GPATCH8: variants seen among roughly 807,000 people sequenced by gnomAD.
The protein encoded by GPATCH8 is G patch domain-containing protein 8.
In GPATCH8, 18 loss-of-function variants were observed where a neutral mutation model predicts 118.3. That is an observed-to-expected ratio of 0.15 (90% CI 0.11 to 0.23). GPATCH8 has a LOEUF of 0.23. Among genes scored for constraint, GPATCH8 ranks in the 10% least tolerant of loss-of-function variants. GPATCH8 has a pLI of 1.00. For missense variants in GPATCH8, 1,631 were observed against 1,873.8 expected (o/e 0.87, Z 2.39); for synonymous variants, 659 against 684.7 (o/e 0.96, Z 0.59).
At chr17:44,465,842 A>C (rs951429451) in intron 2 of GPATCH8, 3 of 152,218 alleles carry the variant, frequency 2.0e-5, no homozygotes, top group Non-Finnish European at 4.4e-5. Flanking sequence ...TCATAGAGGA[A>C]AGAAAAACAT....
chr17:44,483,433 T>C (rs930477993), intron 1 of GPATCH8, among the ~76,000 whole-genome samples: 2 of 149,372 alleles, frequency 1.3e-5, no homozygotes, highest in Non-Finnish European at 3.0e-5. Context: ...GTATTTTTAG[T>C]AGAGATGGGG....
chr17:44,421,593 T>G (rs992997168), intron 6 of GPATCH8, among the ~76,000 whole-genome samples: 3 of 151,484 alleles, frequency 2.0e-5, no homozygotes, highest in Non-Finnish European at 4.4e-5. Flanking sequence ...CTGGAACTCC[T>G]GACCTCAGGT....
intron 1 of GPATCH8, among the ~76,000 whole-genome samples, chr17:44,482,686 T>G (rs894470689): frequency 4.6e-5 from 7 of 151,370 alleles, no homozygotes; most frequent in Admixed American, 1.3e-4. Flanking sequence ...TGCACATGTA[T>G]CCCAGAACTT....
At chr17:44,490,544 C>A (rs1312223447) in intron 1 of GPATCH8, among the ~76,000 whole-genome samples, 1 of 151,784 alleles carries the variant, frequency 6.6e-6, no homozygotes, top group East Asian at 1.9e-4. Flanking sequence ...TCTAAATCAA[C>A]ACTTCCTTTC....
intron 1 of GPATCH8, chr17:44,486,433 G>A (rs939353668): frequency 1.3e-5 from 2 of 152,110 alleles, no homozygotes; most frequent in African/African-American, 4.8e-5. Context: ...TTTGTAAAAT[G>A]CTTTTCTTGA....
rs561642975 is a variant in GPATCH8 at position 44,457,678 on chromosome 17, A to C, written c.193+6794T>G. Among the ~76,000 whole-genome samples, 6 of 152,296 alleles carry C rather than the reference A, an allele frequency of 3.9e-5. No individual in the cohort carries two copies. The South Asian group carries it at 8.3e-4, about 21-fold the overall frequency. On this transcript the variant is annotated intron_variant, in intron 3 of 7. Transcript: ENST00000591680. ...GCCAGGCATGGTGGATCACACCTAT[A>C]ATCCCAGCACTGTGGGAGTCCAAGG... is the stretch of plus-strand genomic sequence containing the variant.
At chr17:44,498,756 A>G (rs1969847834) in intron 1 of GPATCH8, among the ~76,000 whole-genome samples, 2 of 152,232 alleles carry the variant, frequency 1.3e-5, no homozygotes, top group Non-Finnish European at 2.9e-5. Flanking sequence ...CATTTCTTCC[A>G]GATTACGGGA....
In GPATCH8 at chr17:44,395,700, T is replaced by A. The variant is rs960951132; in HGVS notation, c.*1868A>T. The A allele has an allele frequency of 2.2e-6, 1 of 454,028 alleles. No individual in the cohort carries two copies. Among genetic ancestry groups the A allele is most frequent in the African/African-American group, 2.0e-5 (1 of 50,008 alleles). The allele number at this position is 454,028 out of a possible 1,614,324, so 28.1% of individuals were successfully genotyped here. On this transcript the variant is annotated 3_prime_UTR_variant, in exon 8 of 8. Transcript: ENST00000591680. ...GTTGTGTTTGCCTGCCACTTTCTTTTCATAAACTTTACTCTTTTGAGAATT... is the reference window on the plus strand; with the variant it reads ...GTTGTGTTTGCCTGCCACTTTCTTTACATAAACTTTACTCTTTTGAGAATT...
At chr17:44,447,113 G>T (rs2050914009) in intron 3 of GPATCH8, among the ~76,000 whole-genome samples, 1 of 151,272 alleles carries the variant, frequency 6.6e-6, no homozygotes, top group African/African-American at 2.4e-5. Context: ...TGGGATTACA[G>T]GTGTGATCCA....
At chr17:44,415,828 G>C (rs1567957843) in intron 6 of GPATCH8, among the ~76,000 whole-genome samples, 1 of 152,200 alleles carries the variant, frequency 6.6e-6, no homozygotes, top group Admixed American at 6.5e-5. Flanking sequence ...ACAAAAGTAA[G>C]GCAGAATCAT....
intron 2 of GPATCH8, among the ~76,000 whole-genome samples, chr17:44,466,543 C>T (rs946690168): frequency 2.0e-5 from 3 of 152,102 alleles, no homozygotes; most frequent in Admixed American, 1.3e-4. Flanking sequence ...TTCTTCCCTT[C>T]CCCCCTCCTA....
intron 2 of GPATCH8, among the ~76,000 whole-genome samples, chr17:44,467,697 G>A (rs1468370365): frequency 1.3e-5 from 2 of 152,098 alleles, no homozygotes; most frequent in African/African-American, 2.4e-5. Flanking sequence ...AGGAAAAAAG[G>A]CAGCTCTGTG....
At chr17:44,503,214 G>A (rs1356599934) in intron 1 of GPATCH8, 112 bp downstream of exon 1, 3 of 951,398 alleles carry the variant, frequency 3.2e-6, no homozygotes, top group African/African-American at 3.2e-5. Flanking sequence ...AGAGCGAGCT[G>A]GTTCGCAAGT....
intron 1 of GPATCH8, among the ~76,000 whole-genome samples, chr17:44,500,583 T>C (rs187514434): frequency 6.6e-6 from 1 of 152,318 alleles, no homozygotes; most frequent in Admixed American, 6.5e-5. Flanking sequence ...TCAAGAGACA[T>C]CAAACTCTCC....
intron 1 of GPATCH8, among the ~76,000 whole-genome samples, chr17:44,502,756 C>A (rs972562995): frequency 1.3e-5 from 2 of 152,140 alleles, no homozygotes; most frequent in African/African-American, 4.8e-5. Context: ...CACTTATGCC[C>A]CGCGAAATCT....
At chr17:44,412,244 T>G (rs1027501430) in intron 6 of GPATCH8, among the ~76,000 whole-genome samples, 2 of 152,004 alleles carry the variant, frequency 1.3e-5, no homozygotes, top group Admixed American at 6.5e-5. Context: ...TTTAAATTAG[T>G]TGGGCGCAGT....
intron 6 of GPATCH8, among the ~76,000 whole-genome samples, chr17:44,411,126 A>G (rs988214576): frequency 6.6e-6 from 1 of 152,152 alleles, no homozygotes; most frequent in Non-Finnish European, 1.5e-5. Context: ...AGACTTCAAG[A>G]GCAGAAACAT....
chr17:44,421,853 A>G (rs1227002879), intron 6 of GPATCH8, among the ~76,000 whole-genome samples: 4 of 151,602 alleles, frequency 2.6e-5, no homozygotes, highest in Non-Finnish European at 5.9e-5. Context: ...CGAACCCCCA[A>G]GCAGCTGGGA....
At chr17:44,456,900 G>C (rs1329498437) in intron 3 of GPATCH8, among the ~76,000 whole-genome samples, 1 of 151,552 alleles carries the variant, frequency 6.6e-6, no homozygotes, top group African/African-American at 2.4e-5. Flanking sequence ...GTCTCGCTCT[G>C]TTGCCCAGGA....
Sources: gnomAD v4.1 joint callset for allele counts (sites outside exome capture counted in the v4.1 genomes callset) on GRCh38, gnomAD v4.1.1 for gene constraint, MANE v1.5 for transcripts, NCBI Gene and HGNC (gene_info 2026-07-23, HGNC 2026-07-21) for gene names.